Variants in MRM2 observed in about 807,000 individuals in gnomAD.
The protein encoded by MRM2 is rRNA methyltransferase 2, mitochondrial.
A neutral mutation model predicts 10.9 loss-of-function variants in MRM2; 15 were observed. The observed-to-expected ratio is 1.37, with a 90% CI of 0.92 to 2.11. MRM2 has a LOEUF of 2.11. MRM2 is among the 30% of genes most tolerant of loss of function. The probability of loss-of-function intolerance (pLI) is 0.00; values close to 1 mark genes in which losing one functional copy is unlikely to be tolerated. For missense variants in MRM2, 328 were observed against 321.3 expected, an observed-to-expected ratio of 1.02 and a Z score of -0.16; for synonymous variants, 139 against 128.7, an observed-to-expected ratio of 1.08 and a Z score of -0.54.
intron 2 of MRM2, among the ~76,000 whole-genome samples, chr7:2,237,151 A>G (rs1156396391): frequency 6.6e-6 from 1 of 152,150 alleles, no homozygotes; most frequent in African/African-American, 2.4e-5. Context: ...GGACCACAGG[A>G]ACATGCCACC....
chr7:2,236,123 G>A (rs951204416), intron 2 of MRM2, among the ~76,000 whole-genome samples: 25 of 152,144 alleles, frequency 1.6e-4, no homozygotes, highest in African/African-American at 5.1e-4. Flanking sequence ...CCAGCTACTC[G>A]GGAGGCTAAG....
Position 2,239,678 on chromosome 7 carries a change from T to A in MRM2, c.38A>T (p.Gln13Leu). Residue 13 changes from glutamine (Q) to leucine (L), a missense_variant, in exon 2 of 3, where the codon CAG becomes CTG. Transcript: ENST00000242257. ...CCCAACAGTGTGGAACCCTTGACGC[T>A]GAAAGGAAACACACACCAGCTTCAA... ...GYLKLVCVSF[Q>L]RQGFHTVGSR... 1 of 1,613,296 alleles carries A rather than the reference T, an allele frequency of 6.2e-7. No homozygotes were observed. The highest frequency in any genetic ancestry group is 1.7e-4 in the Middle Eastern group (1 of 6,058).
intron 2 of MRM2, chr7:2,238,254 T>C (rs1356290858): frequency 6.6e-6 from 1 of 152,250 alleles, no homozygotes; most frequent in African/African-American, 2.4e-5. Context: ...GGCAAGGATA[T>C]TCACCACAGC....
At position 2,238,608 on chromosome 7, in the gene MRM2, T is replaced by G. The variant is rs546134702; in HGVS notation, c.298+810A>C. 5 of 152,228 alleles carry G rather than the reference T, an allele frequency of 3.3e-5. No individual in the cohort carries two copies. In the East Asian group the frequency reaches 9.7e-4, roughly 29 times the overall value. 9.4% of individuals were successfully genotyped at this position (152,228 alleles called of 1,614,324 possible). A position where few individuals can be genotyped will look rare whatever the true frequency, so the allele number is the denominator to read the frequency against. The stretch of plus-strand genomic sequence containing the variant: ...CCCCAGGGCTTATGCGACTTGGAAA[T>G]TTAGCTGTGCTGTTGGGGAAAGATG... On this transcript the variant is annotated intron_variant, in intron 2 of 2. Transcript: ENST00000242257.
rs1166601748 is a variant in MRM2 at position 2,235,495 on chromosome 7, G to T, written c.368C>A (p.Thr123Asn). The change falls in exon 3 of 3, where the codon ACT (threonine) becomes AAT (asparagine). Residue 123 changes from threonine (T) to asparagine (N), a missense_variant. By Grantham distance (65) the Thr-to-Asn change is moderately conservative (BLOSUM62 0). Coordinates refer to ENST00000242257, the MANE Select transcript of MRM2 (RefSeq NM_013393.3). ...AGTCACGTCAGCAGGGCACAGAAAAGTTGCTCCTTCCAGGGGGAATATGTG... is the reference window on the plus strand; with the variant it reads ...AGTCACGTCAGCAGGGCACAGAAAATTTGCTCCTTCCAGGGGGAATATGTG... ...LLHIFPLEGATFLCPADVTDP... is the reference protein window; with the variant it reads ...LLHIFPLEGANFLCPADVTDP... 6.2e-7 allele frequency: 1 copy of T among 1,613,858 alleles called. No individual in the cohort carries two copies. Among genetic ancestry groups the T allele is most frequent in the African/African-American group, 1.3e-5 (1 of 74,922 alleles).
At position 2,241,605 on chromosome 7, in the gene MRM2, A is replaced by G. The variant is rs146214622; in HGVS notation, c.8+557T>C. ...GTGTGGGCCACCAAGCCCGGTCTCT[A>G]TGTCCATCTTTCTGATTTAAATAAA... On this transcript the variant is annotated intron_variant, in intron 1 of 2. Coordinates refer to ENST00000242257, the MANE Select transcript of MRM2 (RefSeq NM_013393.3). Among the ~76,000 whole-genome samples the G allele has an allele frequency of 3.2e-3, 482 of 152,286 alleles. 1 individual carries two copies. Among genetic ancestry groups the G allele is most frequent in the Admixed American group, 6.4e-3 (98 of 15,294 alleles).
chr7:2,241,448 A>AT (rs11382094), intron 1 of MRM2: 53,551 of 145,452 alleles, frequency 0.37, 9,863 homozygotes, highest in East Asian at 0.52. Flanking sequence ...GCCTGGGCTA[A>AT]TTTTTTTTTT....
At chr7:2,236,698 C>T (rs1794424656) in intron 2 of MRM2, among the ~76,000 whole-genome samples, 1 of 152,160 alleles carries the variant, frequency 6.6e-6, no homozygotes, top group Admixed American at 6.5e-5. Context: ...GAAACACGGT[C>T]CCTTTCTCTC....
At chr7:2,241,435 C>T (rs1189921412) in intron 1 of MRM2, 1 of 150,856 alleles carries the variant, frequency 6.6e-6, no homozygotes, top group Non-Finnish European at 1.5e-5. Flanking sequence ...TGTGCACCAC[C>T]ATGCCTGGGC....
At chr7:2,236,749 C>T (rs1040929648) in intron 2 of MRM2, among the ~76,000 whole-genome samples, 2 of 152,150 alleles carry the variant, frequency 1.3e-5, no homozygotes, top group Non-Finnish European at 2.9e-5. Context: ...GCAGACTGAA[C>T]AAGAAAATCT....
In MRM2 at chr7:2,239,543, A is replaced by T; in HGVS notation, c.173T>A (p.Phe58Tyr). ...KVESYRCRSAFKLLEVNERHQ... is the reference protein window; with the variant it reads ...KVESYRCRSAYKLLEVNERHQ... Reference sequence around the variant, plus strand: ...CCTCTCGTTCACCTCCAGGAGCTTGAAGGCGCTTCGACACCGGTAACTCTC... The same window carrying T: ...CCTCTCGTTCACCTCCAGGAGCTTGTAGGCGCTTCGACACCGGTAACTCTC... Residue 58 changes from phenylalanine to tyrosine, a missense_variant, in exon 2 of 3, where the codon TTC becomes TAC. Coordinates refer to ENST00000242257, the MANE Select transcript of MRM2 (RefSeq NM_013393.3). 6.2e-7 allele frequency: 1 copy of T among 1,614,018 alleles called. No homozygotes were observed. The highest frequency in any genetic ancestry group is 1.1e-5 in the South Asian group (1 of 91,078).
chr7:2,239,328 C>T, intron 2 of MRM2, 90 bp downstream of exon 2: 3 of 1,321,766 alleles, frequency 2.3e-6, no homozygotes, highest in Non-Finnish European at 3.3e-6. Flanking sequence ...AAGGGCTCCA[C>T]CATCCCGCAT....
intron 1 of MRM2, 182 bp downstream of exon 1, chr7:2,241,980 G>C (rs1399254389): frequency 1.7e-6 from 1 of 602,454 alleles, no homozygotes; most frequent in Non-Finnish European, 2.7e-6. Flanking sequence ...GAGACCTGAG[G>C]GCGCCCTCCT....
intron 1 of MRM2, 94 bp from the exon 2 acceptor site, chr7:2,239,801 G>C: frequency 8.6e-7 from 1 of 1,166,986 alleles, no homozygotes; most frequent in South Asian, 1.4e-5. Flanking sequence ...TTCATTTCTA[G>C]AGATGGGGCA....
intron 2 of MRM2, chr7:2,239,009 AT>A (rs1562401674): frequency 0.036 from 2,557 of 70,104 alleles, 209 homozygotes; most frequent in African/African-American, 0.064. Flanking sequence ...ATATATATAT[AT>A]ATATATATAT....
At chr7:2,239,021 AT>A (rs1562401744) in intron 2 of MRM2, 1,374 of 15,766 alleles carry the variant, frequency 0.087, 81 homozygotes, top group African/African-American at 0.11. Flanking sequence ...ATATATATAT[AT>A]ATATATAATA....
At chr7:2,240,240 T>G (rs1268789686) in intron 1 of MRM2, 1 of 455,016 alleles carries the variant, frequency 2.2e-6, no homozygotes, top group Non-Finnish European at 4.4e-6. Context: ...ACTAAATACA[T>G]CAATTAATTA....
In MRM2 at chr7:2,242,185, C is replaced by G. The variant is rs377563603; in HGVS notation, c.-16G>C. 1.3e-6 allele frequency: 2 copies of G among 1,578,712 alleles called. No individual in the cohort carries two copies. Among genetic ancestry groups the G allele is most frequent in the Non-Finnish European group, 1.7e-6 (2 of 1,167,950 alleles). On this transcript the variant is annotated 5_prime_UTR_variant, in exon 1 of 3. Transcript: ENST00000242257. ...ACCCCGCCATTGGTGTTCCCCGCGC[C>G]TGCAGCGCGCCGCCGGAAGTGCCTG...
At chr7:2,239,733 A>G (rs1297114274) in intron 1 of MRM2, 26 bp from the exon 2 acceptor site, 1 of 1,602,112 alleles carries the variant, frequency 6.2e-7, no homozygotes, top group Non-Finnish European at 8.5e-7. Context: ...AGGAGCAGGC[A>G]GGTTGGCATC....
Sources: allele counts gnomAD v4.1 joint callset (sites outside exome capture counted in the v4.1 genomes callset), GRCh38; gene constraint gnomAD v4.1.1; transcripts MANE v1.5; gene names NCBI Gene and HGNC (gene_info 2026-07-23, HGNC 2026-07-21).